EPHB1: variants seen among roughly 807,000 people sequenced by gnomAD.
EPHB1 encodes the protein EPH receptor B1, also known as ephrin type-B receptor 1.
A neutral mutation model predicts 94.4 loss-of-function variants in EPHB1; 30 were observed. The observed-to-expected ratio is 0.32, with a 90% CI of 0.24 to 0.43. The LOEUF (loss-of-function observed/expected upper bound fraction) is 0.43, where lower values mean the gene tolerates loss of function less well. Ranked by LOEUF, EPHB1 falls within the 20% of genes least tolerant of loss-of-function variation. The probability of loss-of-function intolerance (pLI) is 1.00; values close to 1 mark genes in which losing one functional copy is unlikely to be tolerated. For missense variants in EPHB1, 1,055 were observed against 1,308.3 expected (o/e 0.81, Z 2.99); for synonymous variants, 522 against 489.1 (o/e 1.07, Z -0.89).
rs556660291 is a variant in EPHB1, at chr3:134,891,637, C to A, written c.59-34179C>A. Among the ~76,000 whole-genome samples, 13 of 152,262 alleles carry A rather than the reference C, an allele frequency of 8.5e-5. No individual in the cohort carries two copies. The East Asian group carries it at 2.3e-3, about 27-fold the overall frequency. ...AATATGGTTAATTATATAATAGATT[C>A]TCTATTGTCAAACCATCCTTGCCTT... On this transcript the variant is annotated intron_variant, in intron 1 of 15. Coordinates refer to ENST00000398015, the MANE Select transcript of EPHB1 (RefSeq NM_004441.5).
At chr3:135,242,613 T>C (rs1439626401) in intron 13 of EPHB1, among the ~76,000 whole-genome samples, 1 of 152,166 alleles carries the variant, frequency 6.6e-6, no homozygotes, top group Non-Finnish European at 1.5e-5. Flanking sequence ...AAGTCAACTA[T>C]GGCTGGTGTC....
At chr3:135,014,294 C>G (rs1250891254) in intron 3 of EPHB1, among the ~76,000 whole-genome samples, 1 of 152,196 alleles carries the variant, frequency 6.6e-6, no homozygotes, top group Non-Finnish European at 1.5e-5. Context: ...AATGTCCAGC[C>G]AGGTCACTCA....
intron 12 of EPHB1, among the ~76,000 whole-genome samples, chr3:135,215,464 A>G (rs995345352): frequency 1.3e-5 from 2 of 152,174 alleles, no homozygotes; most frequent in Admixed American, 6.5e-5. Context: ...CGCCCGGCCC[A>G]GATGTACATT....
intron 1 of EPHB1, among the ~76,000 whole-genome samples, chr3:134,909,115 C>CGGGGGGG (rs1250648426): frequency 1.1e-5 from 1 of 92,780 alleles, no homozygotes; most frequent in Non-Finnish European, 2.0e-5. Context: ...AAGGTGGGGG[C>CGGGGGGG]GGGGGGCGGG....
intron 1 of EPHB1, among the ~76,000 whole-genome samples, chr3:134,868,516 G>A (rs2037427908): frequency 6.6e-6 from 1 of 152,200 alleles, no homozygotes; most frequent in Non-Finnish European, 1.5e-5. Context: ...AGGTGCTTAT[G>A]CCAGGGGAGG....
At chr3:134,958,728 C>G (rs1933384357) in intron 3 of EPHB1, among the ~76,000 whole-genome samples, 1 of 152,166 alleles carries the variant, frequency 6.6e-6, no homozygotes, top group Non-Finnish European at 1.5e-5. Flanking sequence ...CCAGCGACCC[C>G]CAGAGAGGAA....
At chr3:134,824,019 A>C (rs140922791) in intron 1 of EPHB1, 1 of 152,134 alleles carries the variant, frequency 6.6e-6, no homozygotes, top group Non-Finnish European at 1.5e-5. Context: ...GAACAAATAC[A>C]TGGGTTTTAT....
intron 1 of EPHB1, among the ~76,000 whole-genome samples, chr3:134,810,194 A>G (rs780124061): frequency 7.2e-5 from 11 of 152,116 alleles, no homozygotes; most frequent in Non-Finnish European, 1.2e-4. Flanking sequence ...GTATGCAAAT[A>G]TGTATATCAC....
At chr3:135,205,173 C>A (rs1942869029) in intron 12 of EPHB1, among the ~76,000 whole-genome samples, 1 of 152,034 alleles carries the variant, frequency 6.6e-6, no homozygotes. Flanking sequence ...TAAGTACCAT[C>A]ATTTTGTTTT....
intron 3 of EPHB1, among the ~76,000 whole-genome samples, chr3:135,053,314 A>G (rs983850976): frequency 6.6e-6 from 1 of 151,986 alleles, no homozygotes; most frequent in African/African-American, 2.4e-5. Flanking sequence ...ATAAATATGT[A>G]ACATACTATA....
At chr3:135,066,449 C>T (rs1937581259) in intron 3 of EPHB1, among the ~76,000 whole-genome samples, 1 of 152,188 alleles carries the variant, frequency 6.6e-6, no homozygotes, top group Non-Finnish European at 1.5e-5. Context: ...AAGACCTTGT[C>T]TTCAAGCTCT....
At chr3:134,862,499 CA>C (rs11315176) in intron 1 of EPHB1, among the ~76,000 whole-genome samples, 126,352 of 134,036 alleles carry the variant, frequency 0.94, 59,486 homozygotes, top group Admixed American at 0.97. Flanking sequence ...CTTGTAAGCT[CA>C]AAAAAAAAAA....
intron 9 of EPHB1, among the ~76,000 whole-genome samples, chr3:135,168,013 T>G (rs1941698402): frequency 1.3e-5 from 2 of 152,154 alleles, no homozygotes; most frequent in South Asian, 2.1e-4. Flanking sequence ...CCAGACTGCT[T>G]CTTCTCTAAG....
intron 3 of EPHB1, among the ~76,000 whole-genome samples, chr3:134,971,973 T>TA (rs1933986765): frequency 6.6e-6 from 1 of 152,162 alleles, no homozygotes; most frequent in South Asian, 2.1e-4. Context: ...TAATATTTCT[T>TA]AAATGGTATT....
chr3:135,096,530 G>C (rs1938771535), intron 3 of EPHB1, among the ~76,000 whole-genome samples: 1 of 152,202 alleles, frequency 6.6e-6, no homozygotes, highest in Admixed American at 6.5e-5. Flanking sequence ...ATTTGTCTTA[G>C]TTCAAGTTGC....
intron 2 of EPHB1, among the ~76,000 whole-genome samples, chr3:134,939,417 A>G (rs911236994): frequency 3.3e-5 from 5 of 152,066 alleles, no homozygotes; most frequent in African/African-American, 1.2e-4. Flanking sequence ...AGCCCAGCAC[A>G]TCTGGGACGT....
At chr3:135,257,358 T>TTGGTCTTTGATGA (rs1275290645) in intron 15 of EPHB1, among the ~76,000 whole-genome samples, 6 of 152,066 alleles carry the variant, frequency 3.9e-5, no homozygotes, top group Non-Finnish European at 8.8e-5. Flanking sequence ...TTATCTACTT[T>TTGGTCTTTGATGA]TGGTCTTTGA....
Position 135,064,592 on chromosome 3 carries a change from T to G in EPHB1, c.806-41856T>G, listed in dbSNP as rs562240666. 4.6e-5 allele frequency among the ~76,000 whole-genome samples: 7 copies of G among 152,288 alleles called. No individual in the cohort carries two copies. The East Asian group carries it at 1.3e-3, about 29-fold the overall frequency. ...AGGTTATTTGGATTATCTCTCTCCTTTTCATGGTTAATCTTGCTAATGGTC... is the reference window on the plus strand; with the variant it reads ...AGGTTATTTGGATTATCTCTCTCCTGTTCATGGTTAATCTTGCTAATGGTC... On this transcript the variant is annotated intron_variant, in intron 3 of 15. Transcript: ENST00000398015.
intron 3 of EPHB1, among the ~76,000 whole-genome samples, chr3:135,055,300 G>C (rs1211985963): frequency 6.6e-6 from 1 of 152,140 alleles, no homozygotes; most frequent in Non-Finnish European, 1.5e-5. Flanking sequence ...CTGCCTTTTG[G>C]GTTAAATATT....
Sources: allele counts gnomAD v4.1 joint callset (sites outside exome capture counted in the v4.1 genomes callset), GRCh38; gene constraint gnomAD v4.1.1; transcripts MANE v1.5; gene names NCBI Gene and HGNC (gene_info 2026-07-23, HGNC 2026-07-21).